SLIT2: variants seen among roughly 807,000 people sequenced by gnomAD.
SLIT2 encodes slit homolog 2 protein.
SLIT2 carries 41 observed loss-of-function variants against 185.7 expected under a neutral mutation model. That is an observed-to-expected ratio of 0.22 (90% CI 0.17 to 0.29). The LOEUF is 0.29. Ranked by LOEUF, SLIT2 falls within the 10% of genes least tolerant of loss-of-function variation. The pLI is 1.00. For missense variants in SLIT2, 1,571 were observed against 1,909.0 expected (o/e 0.82, Z 3.30); for synonymous variants, 693 against 680.2 (o/e 1.02, Z -0.29).
chr4:20,463,985 C>A (rs1216490225), intron 4 of SLIT2, among the ~76,000 whole-genome samples: 1 of 152,038 alleles, frequency 6.6e-6, no homozygotes, highest in African/African-American at 2.4e-5. Context: ...CAGAGTGACC[C>A]CTGTGACCTC....
chr4:20,533,212 T>A (rs1299682648), intron 17 of SLIT2, among the ~76,000 whole-genome samples: 1 of 152,244 alleles, frequency 6.6e-6, no homozygotes, highest in Non-Finnish European at 1.5e-5. Flanking sequence ...CTTCTTTTAG[T>A]CATTAACATT....
At chr4:20,524,613 G>A (rs1030864749) in intron 14 of SLIT2, among the ~76,000 whole-genome samples, 6 of 152,178 alleles carry the variant, frequency 3.9e-5, no homozygotes, top group Non-Finnish European at 5.9e-5. Flanking sequence ...GTACAGGGGC[G>A]CCAGGAGGGA....
At chr4:20,618,013 G>A (rs982436251) in intron 36 of SLIT2, among the ~76,000 whole-genome samples, 7 of 152,110 alleles carry the variant, frequency 4.6e-5, no homozygotes, top group Non-Finnish European at 7.4e-5. Context: ...GTTCTCATCC[G>A]TATATATTAT....
At chr4:20,494,998 C>G (rs1347534671) in intron 9 of SLIT2, among the ~76,000 whole-genome samples, 1 of 152,000 alleles carries the variant, frequency 6.6e-6, no homozygotes, top group Non-Finnish European at 1.5e-5. Context: ...GAAGAGACTT[C>G]TAGGAAAAAT....
chr4:20,514,869 CAAAA>C lies in SLIT2; in HGVS notation c.1058+3735_1058+3738del, dbSNP rs200592528. ...TATAATATGCAATATATTAACAAAACAAAAAACATTCATGTCGTTTTCAGGGATT... is the reference window on the plus strand; with the variant it reads ...TATAATATGCAATATATTAACAAAACAACATTCATGTCGTTTTCAGGGATT... On this transcript the variant is annotated intron_variant, in intron 11 of 36. Transcript: ENST00000504154. Among the ~76,000 whole-genome samples the C allele has an allele frequency of 9.5e-3, 1,442 of 151,664 alleles. 22 individuals are homozygous for C. The highest frequency in any genetic ancestry group is 0.074 in the East Asian group (380 of 5,160).
intron 4 of SLIT2, among the ~76,000 whole-genome samples, chr4:20,439,407 C>T (rs2148697218): frequency 6.6e-6 from 1 of 152,304 alleles, no homozygotes; most frequent in Middle Eastern, 3.4e-3. Flanking sequence ...CTATGCCTCT[C>T]TCTTAGCTGC....
At chr4:20,296,991 G>C (rs1323378077) in intron 4 of SLIT2, among the ~76,000 whole-genome samples, 1 of 152,174 alleles carries the variant, frequency 6.6e-6, no homozygotes, top group Non-Finnish European at 1.5e-5. Flanking sequence ...GGAAGCTCTT[G>C]AGCTTGTCCT....
chr4:20,448,691 G>A (rs1417955810), intron 4 of SLIT2, among the ~76,000 whole-genome samples: 9 of 151,926 alleles, frequency 5.9e-5, no homozygotes, highest in African/African-American at 2.2e-4. Context: ...AGGCTGGAGT[G>A]CAGTGGCGTG....
At chr4:20,274,023 C>G (rs1005491927) in intron 4 of SLIT2, among the ~76,000 whole-genome samples, 33 of 152,104 alleles carry the variant, frequency 2.2e-4, no homozygotes, top group Admixed American at 2.6e-4. Context: ...TGATAGCTAC[C>G]GCTGATTTCT....
intron 33 of SLIT2, among the ~76,000 whole-genome samples, chr4:20,606,040 C>T (rs866919780): frequency 2.0e-5 from 3 of 152,126 alleles, no homozygotes; most frequent in Admixed American, 1.3e-4. Context: ...TGAGCCACCA[C>T]GCCTGGCCCA....
Position 20,617,562 on chromosome 4 carries a change from G to A in SLIT2, c.4260G>A (p.Lys1420=), listed in dbSNP as rs111791287. ...EDLFNPCQAI[K]CKHGKCRLSG... ...TGTTTAACCCATGCCAGGCGATCAAGTGCAAGCATGGGAAGTGCAGGCTTT... is the reference window on the plus strand; with the variant it reads ...TGTTTAACCCATGCCAGGCGATCAAATGCAAGCATGGGAAGTGCAGGCTTT... Residue 1420 remains lysine (K), a synonymous_variant, in exon 36 of 37, where the codon AAG becomes AAA. Coordinates refer to ENST00000504154, the MANE Select transcript of SLIT2 (RefSeq NM_004787.4). 9 of 1,613,788 alleles carry A rather than the reference G, an allele frequency of 5.6e-6. No homozygotes were observed. The highest frequency in any genetic ancestry group is 2.7e-5 in the African/African-American group (2 of 74,918).
At chr4:20,383,767 A>G (rs1047895410) in intron 4 of SLIT2, among the ~76,000 whole-genome samples, 9 of 152,058 alleles carry the variant, frequency 5.9e-5, no homozygotes, top group African/African-American at 2.2e-4. Flanking sequence ...CAGTGGCACA[A>G]TCTCGGCTCA....
intron 4 of SLIT2, among the ~76,000 whole-genome samples, chr4:20,314,239 A>G (rs960669418): frequency 2.6e-5 from 4 of 152,176 alleles, no homozygotes; most frequent in African/African-American, 9.7e-5. Context: ...TATCTGTGAA[A>G]TATAAACAAT....
intron 4 of SLIT2, among the ~76,000 whole-genome samples, chr4:20,364,676 GAT>G (rs1453135757): frequency 1.3e-5 from 2 of 151,430 alleles, no homozygotes; most frequent in African/African-American, 4.9e-5. Flanking sequence ...TTTGCAAACA[GAT>G]AGTTTCTGTG....
At chr4:20,438,531 A>G (rs769526504) in intron 4 of SLIT2, among the ~76,000 whole-genome samples, 1 of 152,142 alleles carries the variant, frequency 6.6e-6, no homozygotes, top group Non-Finnish European at 1.5e-5. Context: ...GTTCCCTCCC[A>G]TAACACATGG....
At chr4:20,581,440 C>T (rs1726559643) in intron 29 of SLIT2, among the ~76,000 whole-genome samples, 1 of 152,088 alleles carries the variant, frequency 6.6e-6, no homozygotes, top group South Asian at 2.1e-4. Context: ...CACCACATCA[C>T]TGTATTTTAA....
chr4:20,454,795 G>T (rs1360445864), intron 4 of SLIT2, among the ~76,000 whole-genome samples: 1 of 152,036 alleles, frequency 6.6e-6, no homozygotes, highest in Admixed American at 6.6e-5. Context: ...TGCACTCTAA[G>T]GTTAATGGGA....
At chr4:20,440,818 T>C (rs1309150705) in intron 4 of SLIT2, among the ~76,000 whole-genome samples, 1 of 152,228 alleles carries the variant, frequency 6.6e-6, no homozygotes, top group Non-Finnish European at 1.5e-5. Flanking sequence ...ATTTAATTGT[T>C]CTTTTAACAT....
chr4:20,425,511 G>C (rs749544256), intron 4 of SLIT2, among the ~76,000 whole-genome samples: 1 of 151,996 alleles, frequency 6.6e-6, no homozygotes, highest in African/African-American at 2.4e-5. Flanking sequence ...GTTTATACAC[G>C]TGTGTGGTGT....
Sources: gnomAD v4.1 joint callset for allele counts (sites outside exome capture counted in the v4.1 genomes callset) on GRCh38, gnomAD v4.1.1 for gene constraint, MANE v1.5 for transcripts, NCBI Gene and HGNC (gene_info 2026-07-23, HGNC 2026-07-21) for gene names.